RBFOX1: variants seen among roughly 807,000 people sequenced by gnomAD.
The protein encoded by RBFOX1 is RNA binding fox-1 homolog 1.
RBFOX1 carries 8 observed loss-of-function variants against 57.7 expected under a neutral mutation model. The ratio of observed to expected loss-of-function variants is 0.14; its 90% confidence interval spans 0.08 to 0.25. The LOEUF is 0.25. RBFOX1 is among the 10% of genes least tolerant of loss of function. The pLI is 1.00. For missense variants in RBFOX1, 611 were observed against 548.5 expected, an observed-to-expected ratio of 1.11 and a Z score of -1.14; for synonymous variants, 326 against 222.4, an observed-to-expected ratio of 1.47 and a Z score of -4.15.
At chr16:6,976,817 T>C (rs902180652) in intron 3 of RBFOX1, among the ~76,000 whole-genome samples, 4 of 144,786 alleles carry the variant, frequency 2.8e-5, no homozygotes, top group East Asian at 2.0e-4. Flanking sequence ...ATAAATGATC[T>C]AGATCATATA....
At chr16:5,413,904 A>G (rs1189510049) in intron 1 of RBFOX1, among the ~76,000 whole-genome samples, 1 of 152,124 alleles carries the variant, frequency 6.6e-6, no homozygotes, top group Non-Finnish European at 1.5e-5. Flanking sequence ...TCCTGCGTCC[A>G]TGTTCCTGAA....
intron 3 of RBFOX1, among the ~76,000 whole-genome samples, chr16:6,913,664 A>T (rs1411796743): frequency 1.3e-5 from 2 of 152,158 alleles, no homozygotes; most frequent in Non-Finnish European, 2.9e-5. Flanking sequence ...GGTCTCCTAG[A>T]AGCCCTTGGT....
At chr16:5,775,147 A>T (rs1333135719) in intron 3 of RBFOX1, among the ~76,000 whole-genome samples, 1 of 152,170 alleles carries the variant, frequency 6.6e-6, no homozygotes, top group Non-Finnish European at 1.5e-5. Context: ...CACACCCCCA[A>T]ATCAGCTCAA....
At chr16:5,541,805 A>G (rs1245799617) in intron 2 of RBFOX1, among the ~76,000 whole-genome samples, 2 of 152,176 alleles carry the variant, frequency 1.3e-5, no homozygotes. Context: ...ACAAAATCGT[A>G]ATTGGAAGGA....
intron 1 of RBFOX1, among the ~76,000 whole-genome samples, chr16:6,025,316 T>A (rs990925608): frequency 2.6e-5 from 4 of 152,204 alleles, no homozygotes; most frequent in African/African-American, 7.2e-5. Flanking sequence ...CACCACCTAC[T>A]TCGTAGGGCT....
At chr16:5,578,092 C>T (rs2046529459) in intron 2 of RBFOX1, among the ~76,000 whole-genome samples, 1 of 152,178 alleles carries the variant, frequency 6.6e-6, no homozygotes, top group Non-Finnish European at 1.5e-5. Flanking sequence ...GCTGGGACTA[C>T]AGGTGCGTGC....
At chr16:7,179,451 C>T (rs929246461) in intron 4 of RBFOX1, among the ~76,000 whole-genome samples, 1 of 152,178 alleles carries the variant, frequency 6.6e-6, no homozygotes, top group Non-Finnish European at 1.5e-5. Context: ...CTGGCCTCCT[C>T]TTGAACTGAT....
chr16:6,831,006 G>C (rs1253720803), intron 3 of RBFOX1, among the ~76,000 whole-genome samples: 1 of 152,174 alleles, frequency 6.6e-6, no homozygotes, highest in Non-Finnish European at 1.5e-5. Flanking sequence ...AGAACCTTCG[G>C]ATTTACCATC....
intron 4 of RBFOX1, among the ~76,000 whole-genome samples, chr16:5,949,864 C>A (rs985458070): frequency 6.6e-6 from 1 of 152,180 alleles, no homozygotes; most frequent in Non-Finnish European, 1.5e-5. Context: ...GCAGGGGATT[C>A]TGAGACAAGC....
At chr16:5,411,829 A>G (rs2067029797) in intron 1 of RBFOX1, among the ~76,000 whole-genome samples, 1 of 151,918 alleles carries the variant, frequency 6.6e-6, no homozygotes, top group South Asian at 2.1e-4. Context: ...GCTGCAATGA[A>G]CTCTGATTGC....
chr16:7,661,961 A>G (rs1282371122), intron 12 of RBFOX1, among the ~76,000 whole-genome samples: 1 of 152,144 alleles, frequency 6.6e-6, no homozygotes, highest in Non-Finnish European at 1.5e-5. Context: ...CCTCTGGGCA[A>G]TGTTGGTACA....
At chr16:7,445,047 G>T (rs1028147715) in intron 4 of RBFOX1, among the ~76,000 whole-genome samples, 1 of 151,282 alleles carries the variant, frequency 6.6e-6, no homozygotes, top group African/African-American at 2.4e-5. Context: ...TTGGGAATAA[G>T]AAAAAGCAAC....
chr16:5,856,232 T>A (rs201005506), intron 3 of RBFOX1, among the ~76,000 whole-genome samples: 1 of 56,350 alleles, frequency 1.8e-5, no homozygotes, highest in African/African-American at 6.2e-5. Context: ...TATATATGTA[T>A]ATATATGTGT....
At chr16:5,702,942 C>T (rs1167125947) in intron 3 of RBFOX1, among the ~76,000 whole-genome samples, 2 of 152,194 alleles carry the variant, frequency 1.3e-5, no homozygotes, top group African/African-American at 2.4e-5. Flanking sequence ...TGACGAATTT[C>T]AGGCCTCTGC....
chr16:7,106,459 T>G (rs1220970328), intron 4 of RBFOX1, among the ~76,000 whole-genome samples: 1 of 152,172 alleles, frequency 6.6e-6, no homozygotes, highest in Non-Finnish European at 1.5e-5. Flanking sequence ...CCCTTGGGAT[T>G]GTAAGTGATG....
chr16:7,370,312 T>G (rs984863068), intron 4 of RBFOX1, among the ~76,000 whole-genome samples: 1 of 152,176 alleles, frequency 6.6e-6, no homozygotes, highest in Non-Finnish European at 1.5e-5. Context: ...GCAGACATGT[T>G]ATCTAGGTTG....
rs1468050060 is a variant in RBFOX1 at position 6,941,297 on chromosome 16, TCCC to T, written c.-15-110759_-15-110757del. The stretch of plus-strand genomic sequence containing the variant: ...TCCCTCCCTTCCCTCCTTCCCTCCC[TCCC>T]TCCTTCCTTCCTTCCTTCCTTCCTT... On this transcript the variant is annotated intron_variant, in intron 3 of 15. Transcript: ENST00000550418. Among the ~76,000 whole-genome samples, 445 of 58,306 alleles carry T rather than the reference TCCC, an allele frequency of 7.6e-3. 5 individuals are homozygous for T. Among genetic ancestry groups the T allele is most frequent in the African/African-American group, 0.034 (345 of 10,102 alleles). The allele number at this position is 58,306 out of a possible 152,430, so 38.3% of individuals were successfully genotyped here. A position where few individuals can be genotyped will look rare whatever the true frequency, so the allele number is the denominator to read the frequency against.
chr16:6,250,550 C>T (rs2097600964), intron 1 of RBFOX1, among the ~76,000 whole-genome samples: 1 of 152,158 alleles, frequency 6.6e-6, no homozygotes, highest in African/African-American at 2.4e-5. Context: ...TGTGGTATTT[C>T]AACCAGGAGC....
At chr16:7,471,261 A>G (rs1007739459) in intron 4 of RBFOX1, among the ~76,000 whole-genome samples, 30 of 152,250 alleles carry the variant, frequency 2.0e-4, no homozygotes, top group African/African-American at 6.8e-4. Context: ...TGAGGGGGAC[A>G]TTTAGCTTTA....
Sources: gnomAD v4.1 joint callset for allele counts (sites outside exome capture counted in the v4.1 genomes callset) on GRCh38, gnomAD v4.1.1 for gene constraint, MANE v1.5 for transcripts, NCBI Gene and HGNC (gene_info 2026-07-23, HGNC 2026-07-21) for gene names.